The following SYTL2 variants were observed in gnomAD, a reference collection of about 807,000 sequenced individuals.
The protein encoded by SYTL2 is synaptotagmin-like protein 2.
A neutral mutation model predicts 198.7 loss-of-function variants in SYTL2; 165 were observed. The ratio of observed to expected loss-of-function variants is 0.83; its 90% CI spans 0.73 to 0.94. SYTL2 has a LOEUF of 0.94. Among genes scored for constraint, SYTL2 ranks in the 40% least tolerant of loss-of-function variants. SYTL2 has a pLI of 0.00. For synonymous variants in SYTL2, 966 were observed against 917.7 expected (o/e 1.05, Z -0.95); for missense variants, 2,835 against 2,582.8 (o/e 1.10, Z -2.12).
chr11:85,749,865 T>C (rs533350895), intron 2 of SYTL2, among the ~76,000 whole-genome samples: 13 of 152,310 alleles, frequency 8.5e-5, no homozygotes, highest in Admixed American at 2.0e-4. Flanking sequence ...GGTGAGTTCC[T>C]GGGGGCAGGG....
At chr11:85,846,929 T>C in the SYTL2 span, among the ~76,000 whole-genome samples, 18 of 151,960 alleles carry the variant, frequency 1.2e-4, no homozygotes, top group Admixed American at 1.2e-3. Flanking sequence ...AGATGGGGTG[T>C]CACTATGTTG....
the SYTL2 span, among the ~76,000 whole-genome samples, chr11:85,847,093 C>A: frequency 2.6e-5 from 4 of 152,242 alleles, no homozygotes; most frequent in Admixed American, 6.5e-5. Flanking sequence ...ATAAAATGTA[C>A]CCATTTTAAA....
intron 8 of SYTL2, among the ~76,000 whole-genome samples, chr11:85,722,092 A>G (rs1019213892): frequency 5.9e-5 from 9 of 152,072 alleles, no homozygotes; most frequent in Admixed American, 3.3e-4. Flanking sequence ...AACCTAAATT[A>G]AAATCATGAC....
chr11:85,827,253 G>A, the SYTL2 span, among the ~76,000 whole-genome samples: 1 of 152,152 alleles, frequency 6.6e-6, no homozygotes, highest in African/African-American at 2.4e-5. Context: ...ATTCCCCAAG[G>A]CCCTCTGAGG....
In SYTL2 at chr11:85,757,932, G is replaced by A. The variant is rs1324453436; in HGVS notation, c.-207C>T. 6 of 607,030 alleles carry A rather than the reference G, an allele frequency of 9.9e-6. No individual in the cohort carries two copies. Among genetic ancestry groups the A allele is most frequent in the Non-Finnish European group, 1.7e-5 (6 of 353,998 alleles). 37.6% of individuals were successfully genotyped at this position (607,030 alleles called of 1,614,324 possible). A position where few individuals can be genotyped will look rare whatever the true frequency, so the allele number is the denominator to read the frequency against. ...TGCTCTTTCCCATGAGGAAGTCCTG[G>A]TCTGTGGGATAGTGTCGAGAAGAGG... is the stretch of plus-strand genomic sequence containing the variant. On this transcript the variant is annotated 5_prime_UTR_variant, in exon 2 of 20. Coordinates refer to ENST00000359152, the MANE Select transcript of SYTL2 (RefSeq NM_206927.4).
rs1187283103 is a variant in SYTL2, at chr11:85,770,185, GCTGCCTGGAAC to G, written c.-389-12082_-389-12072del. On this transcript the variant is annotated intron_variant, in intron 1 of 19. Transcript: ENST00000359152. ...CATCTGCTATACAAATCCCTAGCAT[GCTGCCTGGAAC>G]CTGTTAACTAAGTACATCCTCATAA... Among the ~76,000 whole-genome samples the G allele has an allele frequency of 3.3e-5, 5 of 152,154 alleles. No individual in the cohort carries two copies. In the East Asian group the frequency reaches 9.6e-4, roughly 29 times the overall value.
rs183272080 is a variant in SYTL2 at position 85,759,578 on chromosome 11, C to A, written c.-389-1464G>T. Among the ~76,000 whole-genome samples, 6 of 152,264 alleles carry A rather than the reference C, an allele frequency of 3.9e-5. No homozygotes were observed. In the East Asian group the frequency reaches 1.2e-3, roughly 29 times the overall value. ...TTCTAGCTTCCGCTCTGAGTTCACA[C>A]TTTTTTTCCATCCAGCTGAATAAGA... On this transcript the variant is annotated intron_variant, in intron 1 of 19. Transcript: ENST00000359152.
the SYTL2 span, among the ~76,000 whole-genome samples, chr11:85,819,204 C>CA: frequency 1.3e-5 from 2 of 151,846 alleles, no homozygotes; most frequent in South Asian, 4.2e-4. Context: ...TACTTGTTTG[C>CA]AAAAAAATCT....
In SYTL2 at chr11:85,780,852, AG is replaced by A. The variant is rs554430209; in HGVS notation, c.-389-22739del. Among the ~76,000 whole-genome samples the A allele has an allele frequency of 7.9e-5, 12 of 152,382 alleles. No individual in the cohort carries two copies. The East Asian group carries it at 2.1e-3, about 27-fold the overall frequency. The stretch of plus-strand genomic sequence containing the variant: ...ATTACTTGCGATTGGCATCTGAATT[AG>A]GGACAGTCTTGTGGGACTGGGCCCT... On this transcript the variant is annotated intron_variant, in intron 1 of 19. Transcript: ENST00000359152.
chr11:85,715,646 T>G (rs1440769626), intron 11 of SYTL2, among the ~76,000 whole-genome samples: 1 of 152,194 alleles, frequency 6.6e-6, no homozygotes, highest in Non-Finnish European at 1.5e-5. Flanking sequence ...CATAACAATT[T>G]TCACCTATCC....
At chr11:85,852,628 G>A in the SYTL2 span, 6 of 178,902 alleles carry the variant, frequency 3.4e-5, no homozygotes, top group Admixed American at 1.3e-4. Context: ...TGCCAGCCTC[G>A]GCCTCCCGAG....
intron 1 of SYTL2, among the ~76,000 whole-genome samples, chr11:85,793,314 T>G (rs563470244): frequency 1.2e-4 from 18 of 152,228 alleles, no homozygotes; most frequent in African/African-American, 4.1e-4. Context: ...TTTTAATGAT[T>G]GCCATTCTAA....
chr11:85,850,432 T>C, the SYTL2 span, among the ~76,000 whole-genome samples: 2 of 151,826 alleles, frequency 1.3e-5, no homozygotes, highest in African/African-American at 4.8e-5. Context: ...AAAATGCTCA[T>C]CATCACTGGC....
intron 7 of SYTL2, among the ~76,000 whole-genome samples, chr11:85,731,522 G>T (rs1394296486): frequency 1.3e-5 from 2 of 152,132 alleles, no homozygotes; most frequent in Non-Finnish European, 2.9e-5. Context: ...GGGAAAACTG[G>T]CTAGCCATAC....
intron 18 of SYTL2, among the ~76,000 whole-genome samples, chr11:85,697,344 A>G (rs1236221702): frequency 6.6e-6 from 1 of 152,168 alleles, no homozygotes; most frequent in Non-Finnish European, 1.5e-5. Context: ...TGTACCAGAT[A>G]TATGTCACAT....
intron 1 of SYTL2, among the ~76,000 whole-genome samples, chr11:85,773,425 C>T (rs2092395460): frequency 6.6e-6 from 1 of 152,214 alleles, no homozygotes; most frequent in Non-Finnish European, 1.5e-5. Context: ...TCTTAAACTC[C>T]TAGTCATCTT....
At position 85,701,915 on chromosome 11, in the gene SYTL2, C is replaced by T. The variant is rs192375696; in HGVS notation, c.6190-1322G>A. On this transcript the variant is annotated intron_variant, in intron 16 of 19. Transcript: ENST00000359152. ...GTCTGACATTCTTCTCTGCTTTTCA[C>T]TTTGAGACATTTAAGTAGTGCCAAA... Among the ~76,000 whole-genome samples the T allele has an allele frequency of 2.4e-3, 370 of 152,264 alleles. 1 individual carries two copies. Among genetic ancestry groups the T allele is most frequent in the Middle Eastern group, 0.01 (3 of 294 alleles).
At chr11:85,817,385 C>T in the SYTL2 span, among the ~76,000 whole-genome samples, 33 of 152,206 alleles carry the variant, frequency 2.2e-4, no homozygotes, top group African/African-American at 4.6e-4. Context: ...TAGATTGAGA[C>T]GTACTGTAAG....
At chr11:85,732,424 G>A (rs2089911106) in intron 7 of SYTL2, among the ~76,000 whole-genome samples, 1 of 152,102 alleles carries the variant, frequency 6.6e-6, no homozygotes, top group Non-Finnish European at 1.5e-5. Flanking sequence ...AAAAAAGGAT[G>A]AGTTCATGTC....
Sources: allele counts gnomAD v4.1 joint callset (sites outside exome capture counted in the v4.1 genomes callset), GRCh38; gene constraint gnomAD v4.1.1; transcripts MANE v1.5; gene names NCBI Gene and HGNC (gene_info 2026-07-23, HGNC 2026-07-21).